EXOC6: variants seen among roughly 807,000 people sequenced by gnomAD.
The protein encoded by EXOC6 is exocyst complex component 6, also known as SEC15-like 1.
Under a neutral mutation model 112.5 loss-of-function variants are expected in EXOC6, and 60 were observed. That is an observed-to-expected ratio of 0.53 (90% confidence interval 0.43 to 0.66). The LOEUF is 0.66. EXOC6 is among the 30% of genes least tolerant of loss of function. The pLI, the probability that EXOC6 is intolerant of heterozygous loss-of-function variation, is 0.00. For synonymous variants in EXOC6, 295 were observed against 308.0 expected, an observed-to-expected ratio of 0.96 and a Z score of 0.44; for missense variants, 855 against 957.1, an observed-to-expected ratio of 0.89 and a Z score of 1.41.
chr10:92,977,238 C>T (rs1350177775), intron 18 of EXOC6, among the ~76,000 whole-genome samples: 6 of 151,592 alleles, frequency 4.0e-5, no homozygotes, highest in African/African-American at 9.7e-5. Flanking sequence ...TACACAGCTG[C>T]GCCCAACCAT....
At chr10:92,922,554 T>A (rs1211213498) in intron 8 of EXOC6, among the ~76,000 whole-genome samples, 1 of 152,188 alleles carries the variant, frequency 6.6e-6, no homozygotes, top group African/African-American at 2.4e-5. Flanking sequence ...AAAAAGCTCT[T>A]TGTCCGAAAT....
In EXOC6 at chr10:92,940,819, T is replaced by G. The variant is rs1363868165; in HGVS notation, c.1305T>G (p.Val435=). The change falls in exon 13 of 22, where the codon GTT becomes GTG. Residue 435 remains valine, a synonymous_variant. Coordinates refer to ENST00000260762, the MANE Select transcript of EXOC6 (RefSeq NM_019053.6). ...NETLLKKWAG[V]FRDIFEEDNY... is the part of the protein sequence containing the mutation. ...CACTGCTTAAGAAATGGGCTGGAGTTTTCAGGTTAGTCTAAGTCATGGTGC... is the reference window on the plus strand; with the variant it reads ...CACTGCTTAAGAAATGGGCTGGAGTGTTCAGGTTAGTCTAAGTCATGGTGC... 3 of 1,604,694 alleles carry G rather than the reference T, an allele frequency of 1.9e-6. No homozygotes were observed. The highest frequency in any genetic ancestry group is 1.7e-6 in the Non-Finnish European group (2 of 1,174,412).
chr10:92,990,831 T>C (rs2134154886), intron 18 of EXOC6, among the ~76,000 whole-genome samples: 1 of 152,146 alleles, frequency 6.6e-6, no homozygotes, highest in African/African-American at 2.4e-5. Flanking sequence ...AGTCATTTTT[T>C]CCCCCATCAT....
At chr10:92,930,609 G>C (rs1340441526) in intron 9 of EXOC6, among the ~76,000 whole-genome samples, 1 of 152,010 alleles carries the variant, frequency 6.6e-6, no homozygotes. Context: ...AATGAATATT[G>C]ACTCACTTCT....
At chr10:92,871,642 A>G (rs1848453304) in intron 1 of EXOC6, among the ~76,000 whole-genome samples, 1 of 151,964 alleles carries the variant, frequency 6.6e-6, no homozygotes, top group Non-Finnish European at 1.5e-5. Flanking sequence ...CCCTGTCTCT[A>G]CTAAAAATAC....
Position 92,909,409 on chromosome 10 carries a change from T to C in EXOC6, c.459-18T>C. On this transcript the variant is annotated intron_variant, in intron 5 of 21. Transcript: ENST00000260762. ...GATAAGAACTTTTTATAGAGTTTTCTTTTTTAACTTCTCACAGGTACTATT... is the reference window on the plus strand; with the variant it reads ...GATAAGAACTTTTTATAGAGTTTTCCTTTTTAACTTCTCACAGGTACTATT... The C allele has an allele frequency of 6.4e-7, 1 of 1,550,718 alleles. No individual in the cohort carries two copies. The highest frequency in any genetic ancestry group is 2.3e-5 in the East Asian group (1 of 44,378).
chr10:92,894,686 C>A (rs768975542), intron 2 of EXOC6, 108 bp from the exon 3 acceptor site: 2 of 833,428 alleles, frequency 2.4e-6, no homozygotes, highest in Non-Finnish European at 3.8e-6. Context: ...ATTTGCATTT[C>A]TTTGTTCTAA....
At chr10:92,925,068 T>A (rs1199955528) in intron 8 of EXOC6, among the ~76,000 whole-genome samples, 1 of 152,188 alleles carries the variant, frequency 6.6e-6, no homozygotes, top group African/African-American at 2.4e-5. Flanking sequence ...TTGAACAGGT[T>A]TTATGTATGT....
chr10:93,015,756 C>T (rs186266577), intron 20 of EXOC6, among the ~76,000 whole-genome samples: 104 of 151,952 alleles, frequency 6.8e-4, no homozygotes, highest in Admixed American at 5.0e-3. Flanking sequence ...GACAATGAGT[C>T]GTGTGGAAAT....
intron 15 of EXOC6, among the ~76,000 whole-genome samples, chr10:92,953,316 C>T (rs544384742): frequency 1.4e-4 from 22 of 152,146 alleles, no homozygotes; most frequent in East Asian, 5.8e-4. Flanking sequence ...TGGCCTCAAG[C>T]AATCCACCCA....
chr10:92,840,496 G>T (rs1238555360), intron 1 of EXOC6, among the ~76,000 whole-genome samples: 2 of 152,102 alleles, frequency 1.3e-5, no homozygotes, highest in East Asian at 3.9e-4. Context: ...GTTTCCATTT[G>T]GGATGGATAT....
intron 6 of EXOC6, among the ~76,000 whole-genome samples, chr10:92,914,620 C>T (rs1304806922): frequency 6.6e-6 from 1 of 152,160 alleles, no homozygotes; most frequent in Non-Finnish European, 1.5e-5. Flanking sequence ...AAAGGGAATA[C>T]ACAGGAGTGA....
At chr10:92,981,079 G>A (rs1405275472) in intron 18 of EXOC6, among the ~76,000 whole-genome samples, 1 of 152,122 alleles carries the variant, frequency 6.6e-6, no homozygotes, top group Admixed American at 6.5e-5. Context: ...GTATTCTTGA[G>A]GTTCTCTTTT....
At chr10:92,894,608 A>G (rs1849661068) in intron 2 of EXOC6, among the ~76,000 whole-genome samples, 186 bp from the exon 3 acceptor site, 1 of 152,180 alleles carries the variant, frequency 6.6e-6, no homozygotes, top group Non-Finnish European at 1.5e-5. Context: ...GAACTGTCAT[A>G]AGTAATTGAA....
chr10:92,898,320 C>T (rs1849942701), intron 4 of EXOC6, among the ~76,000 whole-genome samples: 1 of 150,594 alleles, frequency 6.6e-6, no homozygotes, highest in African/African-American at 2.4e-5. Context: ...GTTCTAACTA[C>T]TGGGGAGGCT....
chr10:92,976,856 G>A (rs990404971), intron 18 of EXOC6, among the ~76,000 whole-genome samples: 2 of 151,900 alleles, frequency 1.3e-5, no homozygotes, highest in Non-Finnish European at 2.9e-5. Context: ...AAAAGATACA[G>A]CAAGGACATT....
At chr10:92,852,122 A>G (rs949317780) in intron 1 of EXOC6, among the ~76,000 whole-genome samples, 1 of 152,230 alleles carries the variant, frequency 6.6e-6, no homozygotes, top group African/African-American at 2.4e-5. Context: ...TTGGCAACTT[A>G]GCAGAAATGG....
intron 1 of EXOC6, among the ~76,000 whole-genome samples, chr10:92,877,683 A>G (rs944709394): frequency 1.3e-5 from 2 of 152,202 alleles, no homozygotes; most frequent in Non-Finnish European, 2.9e-5. Context: ...AGTCAGGGTC[A>G]GTGATGGGAG....
intron 5 of EXOC6, among the ~76,000 whole-genome samples, chr10:92,904,456 G>A (rs1296457559): frequency 3.9e-5 from 6 of 152,032 alleles, no homozygotes; most frequent in African/African-American, 1.2e-4. Context: ...ATCCTCCACA[G>A]GATTTAGTGT....
Sources: gnomAD v4.1 joint callset for allele counts (sites outside exome capture counted in the v4.1 genomes callset) on GRCh38, gnomAD v4.1.1 for gene constraint, MANE v1.5 for transcripts, NCBI Gene and HGNC (gene_info 2026-07-23, HGNC 2026-07-21) for gene names.